The following IMMP2L variants were observed in gnomAD, a reference collection of about 807,000 sequenced individuals.
IMMP2L encodes mitochondrial inner membrane protease subunit 2.
IMMP2L carries 18 observed loss-of-function variants against 19.3 expected under a neutral mutation model. That is an observed-to-expected ratio of 0.93 (90% CI 0.64 to 1.38). IMMP2L has a LOEUF of 1.38. Among genes scored for constraint, IMMP2L ranks in the 40% most tolerant of loss-of-function variants. The probability of loss-of-function intolerance (pLI) is 0.00; values close to 1 mark genes in which losing one functional copy is unlikely to be tolerated. For missense variants in IMMP2L, 233 were observed against 218.2 expected (o/e 1.07, Z -0.43); for synonymous variants, 76 against 73.0 (o/e 1.04, Z -0.21).
At chr7:110,962,978 T>C in intron 4 of IMMP2L, 3 of 1,478,024 alleles carry the variant, frequency 2.0e-6, no homozygotes, top group African/African-American at 1.4e-5. Context: ...AAATACGACA[T>C]TACTAAAGGC....
chr7:111,157,601 T>C (rs1804785154), intron 3 of IMMP2L, among the ~76,000 whole-genome samples: 1 of 152,068 alleles, frequency 6.6e-6, no homozygotes. Context: ...GGAGTGGGGA[T>C]GGTTGGTTAA....
intron 3 of IMMP2L, among the ~76,000 whole-genome samples, chr7:111,107,298 T>C (rs1798658522): frequency 6.6e-6 from 1 of 152,050 alleles, no homozygotes; most frequent in Non-Finnish European, 1.5e-5. Context: ...TATGGGCATG[T>C]AAAATTGCCT....
At chr7:111,385,759 T>C (rs768239813) in intron 3 of IMMP2L, among the ~76,000 whole-genome samples, 7 of 152,080 alleles carry the variant, frequency 4.6e-5, no homozygotes, top group Non-Finnish European at 8.8e-5. Context: ...TCTGATCCCA[T>C]ACCCAGGTCA....
At chr7:111,550,864 C>A (rs1849388895) in intron 1 of IMMP2L, among the ~76,000 whole-genome samples, 1 of 152,010 alleles carries the variant, frequency 6.6e-6, no homozygotes, top group African/African-American at 2.4e-5. Context: ...GAGTCAGGTA[C>A]AAATGAGATG....
intron 5 of IMMP2L, among the ~76,000 whole-genome samples, chr7:110,688,897 C>T (rs1235398614): frequency 1.3e-5 from 2 of 149,608 alleles, no homozygotes; most frequent in African/African-American, 2.6e-5. Flanking sequence ...TGTATACACA[C>T]ACACTTTTTT....
At chr7:111,425,937 C>A (rs76956046) in intron 3 of IMMP2L, among the ~76,000 whole-genome samples, 1,972 of 151,052 alleles carry the variant, frequency 0.013, 79 homozygotes, top group Admixed American at 0.055. Flanking sequence ...TGTCAAAGAC[C>A]TCTAAGAAGC....
At chr7:111,547,655 A>G (rs1346578573) in intron 1 of IMMP2L, among the ~76,000 whole-genome samples, 3 of 151,784 alleles carry the variant, frequency 2.0e-5, no homozygotes, top group African/African-American at 4.8e-5. Flanking sequence ...TCCTGGGCTC[A>G]AGAGATTCCC....
intron 4 of IMMP2L, among the ~76,000 whole-genome samples, chr7:110,955,419 G>A (rs915613630): frequency 4.6e-5 from 7 of 151,674 alleles, no homozygotes; most frequent in Non-Finnish European, 8.8e-5. Context: ...TTCACAAATG[G>A]CTCTTATTTG....
chr7:111,068,076 C>G (rs974830412), intron 3 of IMMP2L, among the ~76,000 whole-genome samples: 1 of 151,640 alleles, frequency 6.6e-6, no homozygotes, highest in Non-Finnish European at 1.5e-5. Flanking sequence ...AATCATAAAC[C>G]ATTTTGCACT....
chr7:110,981,699 T>A (rs1442863956), intron 3 of IMMP2L, among the ~76,000 whole-genome samples: 1 of 152,126 alleles, frequency 6.6e-6, no homozygotes, highest in Non-Finnish European at 1.5e-5. Context: ...TGAGGAAATA[T>A]ATCTACCTTT....
At chr7:111,078,352 T>C (rs1426562012) in intron 3 of IMMP2L, among the ~76,000 whole-genome samples, 1 of 152,174 alleles carries the variant, frequency 6.6e-6, no homozygotes, top group Non-Finnish European at 1.5e-5. Flanking sequence ...TCAGGAGTCT[T>C]GGAATGCCTC....
intron 3 of IMMP2L, among the ~76,000 whole-genome samples, chr7:111,219,825 C>T (rs1338453517): frequency 1.3e-5 from 2 of 151,740 alleles, no homozygotes; most frequent in Non-Finnish European, 2.9e-5. Flanking sequence ...ATCTGAAAAG[C>T]TTTTTCAATA....
In IMMP2L at chr7:110,703,885, G is replaced by A. The variant is rs186874555; in HGVS notation, c.409-40164C>T. Among the ~76,000 whole-genome samples the A allele has an allele frequency of 2.7e-3, 400 of 149,932 alleles. 2 individuals are homozygous for A. The highest frequency in any genetic ancestry group is 4.6e-3 in the Non-Finnish European group (312 of 67,694). ...TTTTGAGATGGAGTCTTGCTCTATC[G>A]CCCAGGCTGGAGTGCAGTGGTGTGA... On this transcript the variant is annotated intron_variant, in intron 5 of 5. Coordinates refer to ENST00000405709, the MANE Select transcript of IMMP2L (RefSeq NM_032549.4).
At chr7:111,314,759 T>C (rs1444297109) in intron 3 of IMMP2L, among the ~76,000 whole-genome samples, 2 of 152,178 alleles carry the variant, frequency 1.3e-5, no homozygotes, top group Non-Finnish European at 2.9e-5. Flanking sequence ...ATGTCCATTT[T>C]AATAACTGTG....
chr7:111,251,120 T>C (rs1816060623), intron 3 of IMMP2L, among the ~76,000 whole-genome samples: 1 of 152,126 alleles, frequency 6.6e-6, no homozygotes, highest in African/African-American at 2.4e-5. Context: ...AAAGAAGACA[T>C]TCATAGAGCC....
chr7:111,442,639 G>A (rs940613784), intron 3 of IMMP2L, among the ~76,000 whole-genome samples: 1 of 151,566 alleles, frequency 6.6e-6, no homozygotes, highest in African/African-American at 2.4e-5. Context: ...GTCTGTATAG[G>A]TACCTCAAAT....
At chr7:110,680,433 T>C (rs1375880693) in intron 5 of IMMP2L, among the ~76,000 whole-genome samples, 1 of 152,124 alleles carries the variant, frequency 6.6e-6, no homozygotes, top group Non-Finnish European at 1.5e-5. Flanking sequence ...CGTTCTTAAT[T>C]TACACCAGAA....
chr7:110,682,808 G>A (rs144965562), intron 5 of IMMP2L, among the ~76,000 whole-genome samples: 5 of 152,214 alleles, frequency 3.3e-5, no homozygotes, highest in African/African-American at 1.2e-4. Flanking sequence ...TTGCACCCAT[G>A]GGAACACAGT....
intron 3 of IMMP2L, among the ~76,000 whole-genome samples, chr7:111,446,525 A>T (rs1222340813): frequency 2.0e-5 from 3 of 151,280 alleles, no homozygotes; most frequent in African/African-American, 4.9e-5. Flanking sequence ...ACTAACAAAC[A>T]GAAAGGACAT....
Sources: allele counts gnomAD v4.1 joint callset (sites outside exome capture counted in the v4.1 genomes callset), GRCh38; gene constraint gnomAD v4.1.1; transcripts MANE v1.5; gene names NCBI Gene and HGNC (gene_info 2026-07-23, HGNC 2026-07-21).